SLIT2: variants seen among roughly 807,000 people sequenced by gnomAD.
SLIT2 encodes the protein slit homolog 2 protein.
A neutral mutation model predicts 185.7 loss-of-function variants in SLIT2; 41 were observed. The observed-to-expected ratio is 0.22, with a 90% CI of 0.17 to 0.29. The LOEUF is 0.29. Among genes scored for constraint, SLIT2 ranks in the 10% least tolerant of loss-of-function variants. SLIT2 has a pLI of 1.00. For missense variants in SLIT2, 1,571 were observed against 1,909.0 expected, an observed-to-expected ratio of 0.82 and a Z score of 3.30; for synonymous variants, 693 against 680.2, an observed-to-expected ratio of 1.02 and a Z score of -0.29.
chr4:20,554,820 G>T (rs796954176), intron 26 of SLIT2, among the ~76,000 whole-genome samples: 6 of 152,122 alleles, frequency 3.9e-5, no homozygotes, highest in African/African-American at 1.4e-4. Context: ...CTGGAGTGCA[G>T]TGGCACGATC....
At chr4:20,513,376 C>T (rs1171855156) in intron 11 of SLIT2, among the ~76,000 whole-genome samples, 1 of 152,204 alleles carries the variant, frequency 6.6e-6, no homozygotes, top group African/African-American at 2.4e-5. Context: ...CGTGTTATAA[C>T]ACGTATCATT....
At chr4:20,550,195 T>C (rs532116368) in intron 24 of SLIT2, among the ~76,000 whole-genome samples, 1 of 152,254 alleles carries the variant, frequency 6.6e-6, no homozygotes, top group East Asian at 1.9e-4. Context: ...CCTGTCTTAA[T>C]TTGCACTTCC....
intron 4 of SLIT2, among the ~76,000 whole-genome samples, chr4:20,367,095 A>T (rs936077329): frequency 6.6e-6 from 1 of 152,138 alleles, no homozygotes; most frequent in East Asian, 1.9e-4. Context: ...CACTGTACCC[A>T]GATGTTTTAT....
intron 29 of SLIT2, among the ~76,000 whole-genome samples, chr4:20,570,756 T>TGTATATATATATATATATAC (rs1725536072): frequency 7.2e-5 from 10 of 139,840 alleles, no homozygotes; most frequent in Admixed American, 2.2e-4. Context: ...TATATATATA[T>TGTATATATATATATATATAC]ATATATTTCC....
chr4:20,302,733 C>A (rs1000521170), intron 4 of SLIT2, among the ~76,000 whole-genome samples: 3 of 152,150 alleles, frequency 2.0e-5, no homozygotes, highest in African/African-American at 4.8e-5. Context: ...TTGGAGGATG[C>A]ATTGGAATGT....
At chr4:20,529,321 C>T (rs927737703) in intron 16 of SLIT2, among the ~76,000 whole-genome samples, 10 of 152,290 alleles carry the variant, frequency 6.6e-5, no homozygotes, top group African/African-American at 2.4e-4. Context: ...TAATTTATCT[C>T]TCAAAATTCA....
chr4:20,485,341 A>T (rs995809569), intron 6 of SLIT2, among the ~76,000 whole-genome samples: 44 of 152,264 alleles, frequency 2.9e-4, no homozygotes, highest in African/African-American at 1.0e-3. Flanking sequence ...ACTCCATGTT[A>T]CCATAAAATA....
chr4:20,283,583 CTTAATA>C (rs1714997228), intron 4 of SLIT2, among the ~76,000 whole-genome samples: 1 of 152,148 alleles, frequency 6.6e-6, no homozygotes, highest in South Asian at 2.1e-4. Context: ...CACCAGGACA[CTTAATA>C]TTAATCATTA....
intron 4 of SLIT2, among the ~76,000 whole-genome samples, chr4:20,447,931 G>T (rs1479578791): frequency 6.6e-6 from 1 of 152,100 alleles, no homozygotes; most frequent in East Asian, 1.9e-4. Context: ...AGTGTTAAGA[G>T]GTATTCACAG....
intron 4 of SLIT2, among the ~76,000 whole-genome samples, chr4:20,366,833 T>C (rs1171040604): frequency 6.6e-6 from 1 of 151,762 alleles, no homozygotes; most frequent in African/African-American, 2.4e-5. Context: ...GGTCTCACTC[T>C]ATCACCCAGG....
intron 4 of SLIT2, among the ~76,000 whole-genome samples, chr4:20,275,316 T>C (rs1278446476): frequency 6.6e-6 from 1 of 152,172 alleles, no homozygotes; most frequent in Admixed American, 6.6e-5. Flanking sequence ...TGGAAGTCAG[T>C]AGACAACCGT....
chr4:20,569,012 T>C lies in SLIT2; in HGVS notation c.3088+8T>C. 1.2e-6 allele frequency: 2 copies of C among 1,610,502 alleles called. No individual in the cohort carries two copies. The highest frequency in any genetic ancestry group is 1.7e-6 in the Non-Finnish European group (2 of 1,177,510). On this transcript the variant is annotated splice_region_variant and intron_variant, in intron 29 of 36. Coordinates refer to ENST00000504154, the MANE Select transcript of SLIT2 (RefSeq NM_004787.4). ...GCCCACCTGAGTATACAGGTACAAA[T>C]AATAGGAAATATTTTGCCTTCCATC... is the stretch of plus-strand genomic sequence containing the variant.
At position 20,546,199 on chromosome 4, in the gene SLIT2, C is replaced by A. The variant is rs930125123; in HGVS notation, c.2345+100C>A. On this transcript the variant is annotated intron_variant, in intron 22 of 36. Coordinates refer to ENST00000504154, the MANE Select transcript of SLIT2 (RefSeq NM_004787.4). ...AGTGAACCTTCCAGATAATACAAAT[C>A]ATTCACAGTTAGATGCTTCCCTCCT... 381 of 625,592 alleles carry A rather than the reference C, an allele frequency of 6.1e-4. 2 individuals carry two copies. Among genetic ancestry groups the A allele is most frequent in the African/African-American group, 1.9e-4 (10 of 53,414 alleles). 38.8% of individuals were successfully genotyped at this position (625,592 alleles called of 1,614,324 possible). A position where few individuals can be genotyped will look rare whatever the true frequency, so the allele number is the denominator to read the frequency against.
At chr4:20,362,987 G>A (rs1722857526) in intron 4 of SLIT2, among the ~76,000 whole-genome samples, 1 of 151,908 alleles carries the variant, frequency 6.6e-6, no homozygotes, top group South Asian at 2.1e-4. Context: ...GGGTCTGTAG[G>A]TTCAGTACAC....
intron 16 of SLIT2, among the ~76,000 whole-genome samples, chr4:20,531,776 G>T (rs1343820316): frequency 3.4e-5 from 5 of 149,100 alleles, no homozygotes; most frequent in African/African-American, 9.8e-5. Flanking sequence ...TTTTTACTGT[G>T]TGCTTCCTAA....
At chr4:20,518,148 TATACATATAC>T (rs1307283234) in intron 11 of SLIT2, among the ~76,000 whole-genome samples, 8 of 144,328 alleles carry the variant, frequency 5.5e-5, no homozygotes, top group Admixed American at 2.1e-4. Flanking sequence ...TATTTATATA[TATACATATAC>T]ATACATATAC....
chr4:20,522,489 G>C (rs930527500), intron 12 of SLIT2, among the ~76,000 whole-genome samples: 1 of 152,162 alleles, frequency 6.6e-6, no homozygotes, highest in Non-Finnish European at 1.5e-5. Flanking sequence ...AGCATGGAAT[G>C]ACATTTTGAG....
chr4:20,512,740 C>G (rs545225480), intron 11 of SLIT2, among the ~76,000 whole-genome samples: 1 of 152,124 alleles, frequency 6.6e-6, no homozygotes, highest in African/African-American at 2.4e-5. Flanking sequence ...GTTCCTGATT[C>G]TCCACAATTT....
intron 4 of SLIT2, among the ~76,000 whole-genome samples, chr4:20,372,407 C>A (rs959166512): frequency 2.0e-5 from 3 of 151,578 alleles, no homozygotes; most frequent in Non-Finnish European, 2.9e-5. Context: ...GGAAAAGAAA[C>A]CCAAAGAGAA....
Sources: gnomAD v4.1 joint callset for allele counts (sites outside exome capture counted in the v4.1 genomes callset) on GRCh38, gnomAD v4.1.1 for gene constraint, MANE v1.5 for transcripts, NCBI Gene and HGNC (gene_info 2026-07-23, HGNC 2026-07-21) for gene names.